Variants in RBFOX1 observed in about 807,000 individuals in gnomAD.
The protein encoded by RBFOX1 is RNA binding fox-1 homolog 1, also known as RNA binding protein fox-1 homolog 1.
Under a neutral mutation model 57.7 loss-of-function variants are expected in RBFOX1, and 8 were observed. The observed-to-expected ratio is 0.14, with a 90% CI of 0.08 to 0.25. RBFOX1 has a LOEUF of 0.25. Among genes scored for constraint, RBFOX1 ranks in the 10% least tolerant of loss-of-function variants. RBFOX1 has a pLI of 1.00. For missense variants in RBFOX1, 611 were observed against 548.5 expected (o/e 1.11, Z -1.14); for synonymous variants, 326 against 222.4 (o/e 1.47, Z -4.15).
At chr16:5,340,794 C>A (rs1234159460) in intron 1 of RBFOX1, among the ~76,000 whole-genome samples, 1 of 152,188 alleles carries the variant, frequency 6.6e-6, no homozygotes, top group Non-Finnish European at 1.5e-5. Context: ...TAAGACAGAT[C>A]AATTTCCTAT....
intron 4 of RBFOX1, among the ~76,000 whole-genome samples, chr16:7,122,762 T>C (rs1241202448): frequency 6.6e-6 from 1 of 152,190 alleles, no homozygotes; most frequent in Non-Finnish European, 1.5e-5. Flanking sequence ...AACATGTACA[T>C]GTCTGTGTAT....
At chr16:6,619,687 C>CTTTTTTTTTTTTGTTTTTTTT (rs2098198016) in intron 2 of RBFOX1, among the ~76,000 whole-genome samples, 1 of 117,948 alleles carries the variant, frequency 8.5e-6, no homozygotes, top group Non-Finnish European at 1.7e-5. Flanking sequence ...TGTTGGTTTC[C>CTTTTTTTTTTTTGTTTTTTTT]TTTTTTTTTT....
chr16:6,551,789 G>A (rs139007956), intron 2 of RBFOX1, among the ~76,000 whole-genome samples: 5 of 152,204 alleles, frequency 3.3e-5, no homozygotes, highest in Admixed American at 1.3e-4. Context: ...CAACCGGGAC[G>A]TCAGAGCTAC....
At chr16:7,251,205 C>G (rs12930930) in intron 4 of RBFOX1, among the ~76,000 whole-genome samples, 101,739 of 151,700 alleles carry the variant, frequency 0.67, 35,739 homozygotes, top group African/African-American at 0.88. Flanking sequence ...AAGCAAACTT[C>G]TATTCCCTAC....
chr16:7,373,487 A>T (rs1288612075), intron 4 of RBFOX1, among the ~76,000 whole-genome samples: 1 of 152,142 alleles, frequency 6.6e-6, no homozygotes, highest in Non-Finnish European at 1.5e-5. Context: ...CTGGCAGAAT[A>T]GATGGTGTTA....
chr16:7,470,419 G>T (rs2061352469), intron 4 of RBFOX1, among the ~76,000 whole-genome samples: 2 of 152,280 alleles, frequency 1.3e-5, no homozygotes, highest in African/African-American at 2.4e-5. Flanking sequence ...TTGGATGGAT[G>T]GATAGAGGGA....
chr16:6,552,727 T>G (rs2097015515), intron 2 of RBFOX1, among the ~76,000 whole-genome samples: 1 of 152,142 alleles, frequency 6.6e-6, no homozygotes, highest in Non-Finnish European at 1.5e-5. Flanking sequence ...TACATATGTG[T>G]GTACATTTTA....
At chr16:5,911,562 A>G (rs2058602745) in intron 4 of RBFOX1, among the ~76,000 whole-genome samples, 3 of 152,204 alleles carry the variant, frequency 2.0e-5, no homozygotes, top group Non-Finnish European at 2.9e-5. Flanking sequence ...TGCACCATGC[A>G]CTAATCCCAT....
intron 3 of RBFOX1, among the ~76,000 whole-genome samples, chr16:6,822,142 A>G (rs2091417742): frequency 6.6e-6 from 1 of 152,168 alleles, no homozygotes; most frequent in Non-Finnish European, 1.5e-5. Flanking sequence ...CAGGGAAGCA[A>G]AACGGGAGCT....
intron 1 of RBFOX1, among the ~76,000 whole-genome samples, chr16:6,072,084 A>T (rs1018115441): frequency 6.6e-6 from 1 of 152,214 alleles, no homozygotes; most frequent in South Asian, 2.1e-4. Flanking sequence ...GGGAGACCTC[A>T]CAATCATGGC....
At chr16:5,879,730 C>G (rs768687915) in intron 4 of RBFOX1, among the ~76,000 whole-genome samples, 1 of 152,208 alleles carries the variant, frequency 6.6e-6, no homozygotes, top group African/African-American at 2.4e-5. Flanking sequence ...AGGCTTATTT[C>G]TCTCCCATGC....
In RBFOX1 at chr16:6,780,238, T is replaced by G. The variant is rs1357355062; in HGVS notation, c.-16+125588T>G. Among the ~76,000 whole-genome samples, 60 of 85,446 alleles carry G rather than the reference T, an allele frequency of 7.0e-4. 1 individual carries two copies. Among genetic ancestry groups the G allele is most frequent in the Non-Finnish European group, 1.0e-3 (54 of 52,150 alleles). 56.1% of individuals were successfully genotyped at this position (85,446 alleles called of 152,430 possible). ...ATATATTTATATATATATTTATATA[T>G]ATTTACATATATATTTATATATATA... On this transcript the variant is annotated intron_variant, in intron 3 of 15. Coordinates refer to ENST00000550418, the MANE Select transcript of RBFOX1 (RefSeq NM_018723.4).
At chr16:5,462,306 C>A (rs938827655) in intron 1 of RBFOX1, among the ~76,000 whole-genome samples, 39 of 151,654 alleles carry the variant, frequency 2.6e-4, no homozygotes, top group African/African-American at 8.9e-4. Flanking sequence ...GTAGCTGGGA[C>A]TACAGGGGCC....
chr16:6,779,592 C>G (rs1008105118), intron 3 of RBFOX1, among the ~76,000 whole-genome samples: 2 of 148,340 alleles, frequency 1.3e-5, no homozygotes, highest in African/African-American at 2.5e-5. Flanking sequence ...AACCTCCATA[C>G]TATTCTCCAG....
intron 1 of RBFOX1, among the ~76,000 whole-genome samples, chr16:5,401,897 C>A (rs1467628847): frequency 2.3e-4 from 35 of 152,026 alleles, no homozygotes; most frequent in Admixed American, 2.2e-3. Flanking sequence ...GTCTCTCTTT[C>A]TTTTCTCTAT....
At chr16:6,245,377 C>T (rs548863908) in intron 1 of RBFOX1, among the ~76,000 whole-genome samples, 1 of 152,086 alleles carries the variant, frequency 6.6e-6, no homozygotes, top group East Asian at 1.9e-4. Flanking sequence ...TTTAAGACTC[C>T]CTCTAAGGCC....
At chr16:7,484,226 A>T (rs1461301432) in intron 4 of RBFOX1, among the ~76,000 whole-genome samples, 1 of 152,166 alleles carries the variant, frequency 6.6e-6, no homozygotes, top group Non-Finnish European at 1.5e-5. Flanking sequence ...AGATGTGTTT[A>T]TCCATTCACC....
chr16:6,775,255 G>T (rs566633898), intron 3 of RBFOX1, among the ~76,000 whole-genome samples: 1 of 150,220 alleles, frequency 6.7e-6, no homozygotes, highest in East Asian at 2.0e-4. Context: ...GCGTGAAACC[G>T]GGAGGCCGAG....
At chr16:7,288,353 C>T (rs773367905) in intron 4 of RBFOX1, among the ~76,000 whole-genome samples, 31 of 152,178 alleles carry the variant, frequency 2.0e-4, no homozygotes, top group Non-Finnish European at 3.5e-4. Context: ...AAATCACACT[C>T]ATCTGAGTTA....
Sources: allele counts gnomAD v4.1 joint callset (sites outside exome capture counted in the v4.1 genomes callset), GRCh38; gene constraint gnomAD v4.1.1; transcripts MANE v1.5; gene names NCBI Gene and HGNC (gene_info 2026-07-23, HGNC 2026-07-21).